SLC22A25: variants seen among roughly 807,000 people sequenced by gnomAD.
The protein encoded by SLC22A25 is solute carrier family 22 member 25, also known as MGI:2442751, MGI:2385316, MGI:3042283, MGI:3645714, MGI:3605624, MGI:2442750.
In SLC22A25, 44 loss-of-function variants were observed where a neutral mutation model predicts 45.9. The ratio of observed to expected loss-of-function variants is 0.96; its 90% CI spans 0.75 to 1.23. SLC22A25 has a LOEUF of 1.23. Ranked by LOEUF, SLC22A25 falls within the 50% of genes most tolerant of loss-of-function variation. The pLI is 0.00. For synonymous variants in SLC22A25, 283 were observed against 238.6 expected (o/e 1.19, Z -1.72); for missense variants, 800 against 666.4 (o/e 1.20, Z -2.21).
At chr11:63,233,582 A>C (rs1472066977) in intron 3 of SLC22A25, among the ~76,000 whole-genome samples, 1 of 152,072 alleles carries the variant, frequency 6.6e-6, no homozygotes, top group Non-Finnish European at 1.5e-5. Flanking sequence ...TTTTCAAAAA[A>C]CCAGCTCCTG....
chr11:63,229,306 C>A lies in SLC22A25; in HGVS notation c.347G>T (p.Cys116Phe). Reference sequence around the variant, plus strand: ...TTGGTCATATACCCAGCCATCCACACAGGGCTCTGTATCTGGCTCACTCGT... The same window carrying A: ...TTGGTCATATACCCAGCCATCCACAAAGGGCTCTGTATCTGGCTCACTCGT... ...PNTSEPDTEP[C>F]VDGWVYDQSS... is the part of the protein sequence containing the mutation. The change falls in exon 4 of 12, where the codon TGT (cysteine) becomes TTT (phenylalanine). Residue 116 changes from cysteine to phenylalanine, a missense_variant. Transcript: ENST00000306494. 1.2e-6 allele frequency: 2 copies of A among 1,602,722 alleles called. No homozygotes were observed. Among genetic ancestry groups the A allele is most frequent in the African/African-American group, 1.3e-5 (1 of 74,890 alleles).
At chr11:63,193,525 T>A (rs1295107517) in intron 7 of SLC22A25, among the ~76,000 whole-genome samples, 1 of 152,248 alleles carries the variant, frequency 6.6e-6, no homozygotes, top group Non-Finnish European at 1.5e-5. Context: ...AAACAGGGTC[T>A]GGAGTGGACC....
intron 9 of SLC22A25, among the ~76,000 whole-genome samples, chr11:63,174,795 TCCCTCTG>T (rs997671545): frequency 2.6e-5 from 4 of 152,120 alleles, no homozygotes; most frequent in African/African-American, 7.2e-5. Context: ...ACTTCCTATT[TCCCTCTG>T]CCCTCTGCCC....
At position 63,162,426 on chromosome 11, in the gene SLC22A25, T is replaced by C. The variant is rs2087549846; in HGVS notation, c.*1398A>G. Among the ~76,000 whole-genome samples the C allele has an allele frequency of 6.6e-6, 1 of 152,140 alleles. No individual in the cohort carries two copies. The highest frequency in any genetic ancestry group is 1.5e-5 in the Non-Finnish European group (1 of 68,022). ...TCTTAGATTCAAGTTTTTAATGCAT[T>C]TTGATTTGATTTTTGTATATGGTGA... On this transcript the variant is annotated 3_prime_UTR_variant, in exon 12 of 12. Transcript: ENST00000306494.
chr11:63,193,605 G>C (rs529569539), intron 7 of SLC22A25, among the ~76,000 whole-genome samples: 3 of 152,280 alleles, frequency 2.0e-5, no homozygotes, highest in African/African-American at 7.2e-5. Flanking sequence ...AAACAGAAAG[G>C]AATAGCACCA....
At chr11:63,170,228 G>A (rs1236463363) in intron 9 of SLC22A25, among the ~76,000 whole-genome samples, 1 of 152,016 alleles carries the variant, frequency 6.6e-6, no homozygotes, top group Non-Finnish European at 1.5e-5. Flanking sequence ...ATCTAAAATC[G>A]ATACCCTAAC....
rs142064888 is a variant in SLC22A25 at position 63,224,146 on chromosome 11, C to T, written c.506+4315G>A. Among the ~76,000 whole-genome samples the T allele has an allele frequency of 2.6e-3, 394 of 152,094 alleles. 3 individuals carry two copies. Among genetic ancestry groups the T allele is most frequent in the Admixed American group, 0.011 (161 of 15,256 alleles). On this transcript the variant is annotated intron_variant, in intron 5 of 11. Coordinates refer to ENST00000306494, the MANE Select transcript of SLC22A25 (RefSeq NM_199352.6). ...TGTATCTGAGTGCACCAATGTTGTG[C>T]GTATATATTTATAATTTTTATATCC...
chr11:63,159,547 TG>T lies in SLC22A25; in HGVS notation c.*4276del, dbSNP rs1167349981. ...TGAGGCTTCCCCAGCCAGGTGGAAC[TG>T]TGAGTACATTAAACCTCTTTTCTTT... On this transcript the variant is annotated 3_prime_UTR_variant, in exon 12 of 12. Transcript: ENST00000306494. Among the ~76,000 whole-genome samples the T allele has an allele frequency of 6.6e-6, 1 of 152,226 alleles. No individual in the cohort carries two copies. Among genetic ancestry groups the T allele is most frequent in the Admixed American group, 6.5e-5 (1 of 15,286 alleles).
intron 3 of SLC22A25, among the ~76,000 whole-genome samples, chr11:63,237,192 G>A (rs1236336660): frequency 2.0e-5 from 3 of 152,154 alleles, no homozygotes; most frequent in Non-Finnish European, 2.9e-5. Context: ...GACTACTAGA[G>A]GGAGGAAGGA....
At chr11:63,181,807 A>C (rs1055548737) in intron 8 of SLC22A25, among the ~76,000 whole-genome samples, 1 of 152,086 alleles carries the variant, frequency 6.6e-6, no homozygotes, top group African/African-American at 2.4e-5. Context: ...TTCTGGGATG[A>C]AGTGTTAGAA....
chr11:63,217,210 G>T, intron 7 of SLC22A25, 104 bp downstream of exon 7: 2 of 1,297,962 alleles, frequency 1.5e-6, no homozygotes, highest in African/African-American at 1.5e-5. Context: ...TTAGGAGAAT[G>T]TACTCAAGGC....
At chr11:63,221,583 C>T (rs1025632737) in intron 5 of SLC22A25, among the ~76,000 whole-genome samples, 1 of 151,984 alleles carries the variant, frequency 6.6e-6, no homozygotes, top group African/African-American at 2.4e-5. Flanking sequence ...TGGGTTGTCT[C>T]TTCCCTTTGT....
At chr11:63,189,859 G>A (rs911845761) in intron 7 of SLC22A25, among the ~76,000 whole-genome samples, 6 of 152,170 alleles carry the variant, frequency 3.9e-5, no homozygotes, top group South Asian at 2.1e-4. Flanking sequence ...CTTTAAGAAC[G>A]TTGAATATTG....
At chr11:63,178,042 A>C (rs987510574) in intron 9 of SLC22A25, among the ~76,000 whole-genome samples, 1 of 92,414 alleles carries the variant, frequency 1.1e-5, no homozygotes. Flanking sequence ...TGCCTGGCTA[A>C]TTTTTTGTAT....
Position 63,189,910 on chromosome 11 carries a change from A to G in SLC22A25, c.831-6093T>C, listed in dbSNP as rs190338913. ...TGGCTTGTAGAGTTTCTGCCGACAG[A>G]TCAGCTGTTAGTCTGATGGGCTTCC... On this transcript the variant is annotated intron_variant, in intron 7 of 11. Transcript: ENST00000306494. Among the ~76,000 whole-genome samples, 320 of 152,344 alleles carry G rather than the reference A, an allele frequency of 2.1e-3. 6 individuals are homozygous for G. The highest frequency in any genetic ancestry group is 6.5e-3 in the African/African-American group (269 of 41,574).
intron 3 of SLC22A25, among the ~76,000 whole-genome samples, chr11:63,231,908 G>C (rs2090075707): frequency 6.6e-6 from 1 of 152,084 alleles, no homozygotes. Flanking sequence ...CCCATTTCTT[G>C]TTTTTGTCAG....
chr11:63,178,559 G>T lies in SLC22A25; in HGVS notation c.1070+2101C>A, dbSNP rs75868453. Among the ~76,000 whole-genome samples, 130 of 151,418 alleles carry T rather than the reference G, an allele frequency of 8.6e-4. 3 individuals are homozygous for T. The East Asian group carries it at 0.024, about 28-fold the overall frequency. On this transcript the variant is annotated intron_variant, in intron 9 of 11. Transcript: ENST00000306494. ...GGTTTTAATTTACATTTTTTCTGGT[G>T]ATTAACTGTATTGAGCATTTTTTAT...
chr11:63,163,954 G>A lies in SLC22A25; in HGVS notation c.1514C>T (p.Ala505Val), dbSNP rs1207804256. The A allele has an allele frequency of 1.2e-6, 2 of 1,613,800 alleles. No homozygotes were observed. The highest frequency in any genetic ancestry group is 3.3e-5 in the Admixed American group (2 of 59,982). ...PLPWIIYGVF[A>V]ILSGLVVLLL... ...GAGGACAACAAGGCCAGAGAGGATG[G>A]CAAAGACTCCATAGATGATCCAGGG... Residue 505 changes from alanine (A) to valine (V), a missense_variant, in exon 12 of 12, where the codon GCC (alanine) becomes GTC (valine). Coordinates refer to ENST00000306494, the MANE Select transcript of SLC22A25 (RefSeq NM_199352.6).
intron 9 of SLC22A25, among the ~76,000 whole-genome samples, chr11:63,168,635 C>A (rs1044991447): frequency 4.6e-5 from 7 of 152,112 alleles, no homozygotes; most frequent in African/African-American, 1.4e-4. Context: ...ATAAAAGGAA[C>A]AAACCAAGCC....
Sources: gnomAD v4.1 joint callset for allele counts (sites outside exome capture counted in the v4.1 genomes callset) on GRCh38, gnomAD v4.1.1 for gene constraint, MANE v1.5 for transcripts, NCBI Gene and HGNC (gene_info 2026-07-23, HGNC 2026-07-21) for gene names.